PRKACA: variants seen among roughly 807,000 people sequenced by gnomAD.
The protein encoded by PRKACA is cAMP-dependent protein kinase catalytic subunit alpha.
A neutral mutation model predicts 45.8 loss-of-function variants in PRKACA; 9 were observed. That is an observed-to-expected ratio of 0.20 (90% confidence interval 0.12 to 0.34). The LOEUF is 0.34. PRKACA is among the 10% of genes least tolerant of loss of function. PRKACA has a pLI of 1.00. For missense variants in PRKACA, 238 were observed against 458.6 expected, an observed-to-expected ratio of 0.52 and a Z score of 4.39; for synonymous variants, 160 against 178.6, an observed-to-expected ratio of 0.90 and a Z score of 0.83.
chr19:14,108,559 C>T (rs1293329154), intron 1 of PRKACA, among the ~76,000 whole-genome samples: 1 of 151,692 alleles, frequency 6.6e-6, no homozygotes, highest in African/African-American at 2.4e-5. Context: ...AGACGCCTGC[C>T]ACCACGCCCA....
chr19:14,109,965 A>AAATATAT (rs1568537449), intron 1 of PRKACA, among the ~76,000 whole-genome samples: 2 of 23,772 alleles, frequency 8.4e-5, no homozygotes, highest in Non-Finnish European at 1.7e-4. Flanking sequence ...AAAAAAAAAA[A>AAATATAT]ATATATATAT....
chr19:14,096,711 T>A (rs1273753603), intron 8 of PRKACA: 1 of 162,824 alleles, frequency 6.1e-6, no homozygotes, highest in Non-Finnish European at 1.4e-5. Flanking sequence ...CCTACGGTGA[T>A]TACCTACTCA....
chr19:14,113,979 C>T (rs1044107383), intron 1 of PRKACA, among the ~76,000 whole-genome samples: 8 of 152,204 alleles, frequency 5.3e-5, no homozygotes, highest in Admixed American at 5.2e-4. Flanking sequence ...CCAGGCCGCA[C>T]AGCCCGGGGC....
intron 1 of PRKACA, among the ~76,000 whole-genome samples, chr19:14,112,798 C>A (rs1278090598): frequency 6.6e-6 from 1 of 152,202 alleles, no homozygotes; most frequent in African/African-American, 2.4e-5. Context: ...TCAGTGGGCA[C>A]TGGACTGTGC....
chr19:14,094,219 C>T (rs1977181572), intron 8 of PRKACA, among the ~76,000 whole-genome samples: 1 of 145,762 alleles, frequency 6.9e-6, no homozygotes, highest in Non-Finnish European at 1.5e-5. Flanking sequence ...AAAATAGCCT[C>T]ACTCTGTAGC....
chr19:14,103,213 C>T (rs1244169356), intron 3 of PRKACA, among the ~76,000 whole-genome samples: 1 of 152,106 alleles, frequency 6.6e-6, no homozygotes, highest in Non-Finnish European at 1.5e-5. Context: ...CCCCAAGAAG[C>T]CCATGTAAAG....
rs775474906 is a variant in PRKACA, at chr19:14,106,847, G to A, written c.150C>T (p.Leu50=). Residue 50 remains leucine, a synonymous_variant, in exon 3 of 10, where the codon CTC becomes CTT. Coordinates refer to ENST00000308677, the MANE Select transcript of PRKACA (RefSeq NM_002730.4). ...HLDQFERIKT[L]GTGSFGRVML... ...TCACCCGCCCGAAGGAGCCCGTGCC[G>A]AGGGTCTTGATTCGTTCAAACTGAT... The A allele has an allele frequency of 9.6e-5, 155 of 1,614,190 alleles. No homozygotes were observed. The highest frequency in any genetic ancestry group is 7.4e-4 in the South Asian group (67 of 91,086).
At chr19:14,111,268 A>T (rs1966955425) in intron 1 of PRKACA, among the ~76,000 whole-genome samples, 1 of 152,106 alleles carries the variant, frequency 6.6e-6, no homozygotes, top group Admixed American at 6.6e-5. Context: ...GTGGTGGCAC[A>T]TGCCTGTAAT....
At chr19:14,101,176 G>T in intron 4 of PRKACA, 1 of 413,866 alleles carries the variant, frequency 2.4e-6, no homozygotes, top group South Asian at 2.9e-5. Context: ...CTTGAGTAAG[G>T]CTCTGAGGCC....
At chr19:14,110,046 A>G (rs926025335) in intron 1 of PRKACA, among the ~76,000 whole-genome samples, 1 of 141,314 alleles carries the variant, frequency 7.1e-6, no homozygotes, top group African/African-American at 2.6e-5. Flanking sequence ...ACGGTGGCTC[A>G]TGCCTGTAAT....
Position 14,092,455 on chromosome 19 carries a change from A to G in PRKACA, c.*657T>C, listed in dbSNP as rs1237125399. On this transcript the variant is annotated 3_prime_UTR_variant, in exon 10 of 10. Coordinates refer to ENST00000308677, the MANE Select transcript of PRKACA (RefSeq NM_002730.4). ...CAAACCCCAGCGCCTCCCTTTCCAA[A>G]GTCAGTCTGCTTCTCTTTAAAATGG... 1 of 391,646 alleles carries G rather than the reference A, an allele frequency of 2.6e-6. No individual in the cohort carries two copies. Among genetic ancestry groups the G allele is most frequent in the Admixed American group, 4.5e-5 (1 of 22,410 alleles). 24.3% of individuals were successfully genotyped at this position (391,646 alleles called of 1,614,324 possible).
intron 1 of PRKACA, among the ~76,000 whole-genome samples, chr19:14,116,740 C>T (rs1414136441): frequency 6.6e-6 from 1 of 152,064 alleles, no homozygotes; most frequent in East Asian, 1.9e-4. Context: ...TTTGGAAGCA[C>T]TGAAGCAATT....
rs569546783 is a variant in PRKACA, at chr19:14,106,997, G to A, written c.109-109C>T. On this transcript the variant is annotated intron_variant, in intron 2 of 9. Transcript: ENST00000308677. ...CGGCAGAGGGGGCCCCGGGGAGCAC[G>A]TGGGGTCAGCGGGGTGAGGACAGGG... 21 of 1,430,730 alleles carry A rather than the reference G, an allele frequency of 1.5e-5. No homozygotes were observed. In the African/African-American group the frequency reaches 2.3e-4, roughly 16 times the overall value. The allele number at this position is 1,430,730 out of a possible 1,614,324, so 88.6% of individuals were successfully genotyped here.
intron 8 of PRKACA, chr19:14,096,510 G>A (rs1977263985): frequency 6.6e-6 from 1 of 152,646 alleles, no homozygotes; most frequent in Non-Finnish European, 1.5e-5. Context: ...GGCAGAGCTG[G>A]GACTGGGGCC....
chr19:14,100,780 T>C (rs1438452212), intron 5 of PRKACA, 46 bp downstream of exon 5: 2 of 1,587,828 alleles, frequency 1.3e-6, no homozygotes, highest in Non-Finnish European at 1.7e-6. Context: ...CACTGCCACC[T>C]GTGGACACCC....
chr19:14,106,915 A>T (rs745647811), intron 2 of PRKACA, 27 bp from the exon 3 acceptor site: 1 of 1,612,640 alleles, frequency 6.2e-7, no homozygotes, highest in Non-Finnish European at 8.5e-7. Flanking sequence ...CGGTAGGCTC[A>T]GGGCACGCCC....
At chr19:14,110,347 T>G (rs1273754408) in intron 1 of PRKACA, among the ~76,000 whole-genome samples, 1 of 150,384 alleles carries the variant, frequency 6.6e-6, no homozygotes, top group Non-Finnish European at 1.5e-5. Flanking sequence ...GGAGGCCGAG[T>G]TGGGGGGATT....
chr19:14,098,938 T>C (rs1469489031), intron 5 of PRKACA, among the ~76,000 whole-genome samples: 2 of 152,150 alleles, frequency 1.3e-5, no homozygotes, highest in African/African-American at 4.8e-5. Context: ...GCATGGAACA[T>C]TGAAGAACTG....
At chr19:14,112,065 C>G (rs889118509) in intron 1 of PRKACA, among the ~76,000 whole-genome samples, 6 of 152,158 alleles carry the variant, frequency 3.9e-5, no homozygotes, top group Non-Finnish European at 7.3e-5. Flanking sequence ...TCTGGCCTCT[C>G]AAAGGACCAG....
Sources: gnomAD v4.1 joint callset for allele counts (sites outside exome capture counted in the v4.1 genomes callset) on GRCh38, gnomAD v4.1.1 for gene constraint, MANE v1.5 for transcripts, NCBI Gene and HGNC (gene_info 2026-07-23, HGNC 2026-07-21) for gene names.